Variants in DYM observed in about 807,000 individuals in gnomAD.
DYM encodes dymeclin.
DYM carries 78 observed loss-of-function variants against 93.1 expected under a neutral mutation model. The observed-to-expected ratio is 0.84, with a 90% confidence interval of 0.70 to 1.01. The LOEUF (loss-of-function observed/expected upper bound fraction) is 1.01, where lower values mean the gene tolerates loss of function less well. DYM is among the 50% of genes least tolerant of loss of function. The pLI, the probability that DYM is intolerant of heterozygous loss-of-function variation, is 0.00. For synonymous variants in DYM, 321 were observed against 319.7 expected (o/e 1.00, Z -0.04); for missense variants, 789 against 845.0 (o/e 0.93, Z 0.82).
intron 6 of DYM, among the ~76,000 whole-genome samples, chr18:49,350,847 C>A (rs1348376061): frequency 1.3e-5 from 2 of 151,726 alleles, no homozygotes; most frequent in Non-Finnish European, 2.9e-5. Flanking sequence ...CCCTTTCATA[C>A]CGTCTGATTT....
chr18:49,391,343 A>T, intron 3 of DYM: 1 of 439,930 alleles, frequency 2.3e-6, no homozygotes, highest in South Asian at 2.5e-5. Context: ...TCACAAAAAG[A>T]ACAAGACGAA....
intron 14 of DYM, among the ~76,000 whole-genome samples, chr18:49,196,528 A>T (rs1312489203): frequency 6.6e-6 from 1 of 152,140 alleles, no homozygotes; most frequent in Non-Finnish European, 1.5e-5. Flanking sequence ...CAAAAGTGAG[A>T]GAGTGCGAGG....
At chr18:49,046,190 A>G (rs1008953694) in intron 17 of DYM, among the ~76,000 whole-genome samples, 4 of 150,940 alleles carry the variant, frequency 2.7e-5, no homozygotes, top group African/African-American at 9.8e-5. Flanking sequence ...ACACACAGAC[A>G]CGCACACATA....
chr18:49,413,159 A>G (rs1600060310), intron 2 of DYM: 1 of 152,286 alleles, frequency 6.6e-6, no homozygotes, highest in East Asian at 1.9e-4. Flanking sequence ...TGTGCTTCCC[A>G]AGGAGACAGT....
intron 1 of DYM, chr18:49,447,247 C>G (rs1057370209): frequency 3.3e-5 from 5 of 152,140 alleles, no homozygotes; most frequent in Admixed American, 3.3e-4. Context: ...GGAATCAAAG[C>G]AGAAGCATAA....
chr18:49,333,431 G>A (rs1017411405), intron 7 of DYM, among the ~76,000 whole-genome samples: 1 of 152,166 alleles, frequency 6.6e-6, no homozygotes, highest in African/African-American at 2.4e-5. Context: ...TGACTTGACT[G>A]CTTAAACATA....
At chr18:49,247,663 T>C (rs549641536) in intron 13 of DYM, among the ~76,000 whole-genome samples, 1 of 152,354 alleles carries the variant, frequency 6.6e-6, no homozygotes, top group Admixed American at 6.5e-5. Flanking sequence ...ACATGTTTCT[T>C]TAAAGCTGAC....
intron 6 of DYM, among the ~76,000 whole-genome samples, chr18:49,337,996 C>T (rs180868408): frequency 6.6e-6 from 1 of 152,046 alleles, no homozygotes; most frequent in African/African-American, 2.4e-5. Context: ...CAAAGGGACT[C>T]GAACTGGGAG....
chr18:49,289,772 T>TACACACATATATATATATATAC (rs1397770081), intron 8 of DYM, among the ~76,000 whole-genome samples: 1 of 36,640 alleles, frequency 2.7e-5, no homozygotes, highest in African/African-American at 1.3e-4. Context: ...TATATATATA[T>TACACACATATATATATATATAC]ACACATATAT....
chr18:49,241,006 G>C (rs1329902323), intron 13 of DYM, among the ~76,000 whole-genome samples: 2 of 152,188 alleles, frequency 1.3e-5, no homozygotes, highest in Non-Finnish European at 2.9e-5. Flanking sequence ...GGCACCACTT[G>C]ATTTATGCTA....
At chr18:49,051,569 G>C (rs187120516) in intron 17 of DYM, among the ~76,000 whole-genome samples, 1 of 152,340 alleles carries the variant, frequency 6.6e-6, no homozygotes. Flanking sequence ...CTGCAACCCT[G>C]AAGTTAAGCA....
chr18:49,060,508 C>A (rs1036675446), intron 17 of DYM, among the ~76,000 whole-genome samples: 1 of 151,190 alleles, frequency 6.6e-6, no homozygotes, highest in Non-Finnish European at 1.5e-5. Context: ...TGGATAGTTT[C>A]CATTCACTAC....
intron 17 of DYM, among the ~76,000 whole-genome samples, chr18:49,081,036 A>AG (rs2077948614): frequency 6.8e-6 from 1 of 146,330 alleles, no homozygotes; most frequent in East Asian, 2.0e-4. Context: ...AGCCAGGCAG[A>AG]GGGGCTCCTC....
intron 14 of DYM, among the ~76,000 whole-genome samples, chr18:49,168,684 T>TGGGGTGAGAAA (rs2088236637): frequency 1.3e-5 from 2 of 151,986 alleles, no homozygotes; most frequent in Admixed American, 6.6e-5. Context: ...CCCAAGGAAC[T>TGGGGTGAGAAA]CAAGTCTACT....
At chr18:49,284,180 T>C (rs2095062025) in intron 9 of DYM, among the ~76,000 whole-genome samples, 1 of 152,200 alleles carries the variant, frequency 6.6e-6, no homozygotes, top group Non-Finnish European at 1.5e-5. Flanking sequence ...GTTGTGTATA[T>C]GTATCCACAA....
At chr18:49,120,298 G>A (rs2082274403) in intron 15 of DYM, among the ~76,000 whole-genome samples, 1 of 152,126 alleles carries the variant, frequency 6.6e-6, no homozygotes, top group Non-Finnish European at 1.5e-5. Context: ...GATTGGCAGA[G>A]TGGATTAAAA....
chr18:49,141,944 C>A (rs1479192490), intron 15 of DYM, among the ~76,000 whole-genome samples: 1 of 152,092 alleles, frequency 6.6e-6, no homozygotes, highest in Admixed American at 6.5e-5. Flanking sequence ...AGCTCTGCCC[C>A]CCGGGTTCAT....
At chr18:49,047,301 G>A (rs1236112764) in intron 17 of DYM, among the ~76,000 whole-genome samples, 1 of 152,208 alleles carries the variant, frequency 6.6e-6, no homozygotes, top group Non-Finnish European at 1.5e-5. Flanking sequence ...CAGACCATCA[G>A]TGTTTCCTTC....
At chr18:49,213,297 T>C (rs1450553815) in intron 13 of DYM, among the ~76,000 whole-genome samples, 1 of 139,436 alleles carries the variant, frequency 7.2e-6, no homozygotes. Context: ...TTTTTCTAAC[T>C]TTTTTTTTTT....
Sources: gnomAD v4.1 joint callset for allele counts (sites outside exome capture counted in the v4.1 genomes callset) on GRCh38, gnomAD v4.1.1 for gene constraint, MANE v1.5 for transcripts, NCBI Gene and HGNC (gene_info 2026-07-23, HGNC 2026-07-21) for gene names.